Variants in COG5 observed in about 807,000 individuals in gnomAD.
The protein encoded by COG5 is conserved oligomeric Golgi complex subunit 5.
A neutral mutation model predicts 110.4 loss-of-function variants in COG5; 86 were observed. That is an observed-to-expected ratio of 0.78 (90% CI 0.65 to 0.93). COG5 has a LOEUF of 0.93. Among genes scored for constraint, COG5 ranks in the 40% least tolerant of loss-of-function variants. The pLI, the probability that COG5 is intolerant of heterozygous loss-of-function variation, is 0.00. For synonymous variants in COG5, 360 were observed against 334.6 expected, an observed-to-expected ratio of 1.08 and a Z score of -0.83; for missense variants, 1,077 against 987.0, an observed-to-expected ratio of 1.09 and a Z score of -1.22.
intron 16 of COG5, among the ~76,000 whole-genome samples, chr7:107,256,085 C>T (rs922519756): frequency 6.6e-6 from 1 of 152,128 alleles, no homozygotes; most frequent in African/African-American, 2.4e-5. Context: ...ATACTGTCAA[C>T]TACATATGGC....
chr7:107,467,681 T>A (rs1163784448), intron 6 of COG5, among the ~76,000 whole-genome samples: 1 of 152,186 alleles, frequency 6.6e-6, no homozygotes, highest in African/African-American at 2.4e-5. Flanking sequence ...GAAAATAATA[T>A]AATCTGATTC....
intron 11 of COG5, among the ~76,000 whole-genome samples, chr7:107,307,433 A>C (rs1221320310): frequency 1.3e-5 from 2 of 152,216 alleles, no homozygotes; most frequent in Non-Finnish European, 2.9e-5. Flanking sequence ...CATATAATGT[A>C]GAGAGAATAG....
intron 11 of COG5, among the ~76,000 whole-genome samples, chr7:107,299,000 C>T (rs571755722): frequency 5.9e-5 from 9 of 152,030 alleles, no homozygotes; most frequent in Admixed American, 2.0e-4. Flanking sequence ...AAAATTTTAA[C>T]GCAACATATC....
intron 12 of COG5, among the ~76,000 whole-genome samples, chr7:107,291,207 G>C (rs1203020266): frequency 6.6e-6 from 1 of 151,926 alleles, no homozygotes; most frequent in East Asian, 1.9e-4. Context: ...TATTCTTAAT[G>C]GTATCCCACA....
intron 6 of COG5, among the ~76,000 whole-genome samples, chr7:107,477,393 T>C (rs1279645078): frequency 6.6e-6 from 1 of 151,678 alleles, no homozygotes; most frequent in East Asian, 1.9e-4. Context: ...ACTCTTCAGG[T>C]TTATAACTAT....
In COG5 at chr7:107,434,573, A is replaced by C. The variant is rs368111958; in HGVS notation, c.539-21941T>G. ...TAAGCAAACATCACCTGCTCCCAAA[A>C]ACCTATTGAAATAAAAAATAAATTA... On this transcript the variant is annotated intron_variant, in intron 6 of 21. Coordinates refer to ENST00000297135, the MANE Select transcript of COG5 (RefSeq NM_006348.5). 5.9e-5 allele frequency among the ~76,000 whole-genome samples: 9 copies of C among 152,186 alleles called. No individual in the cohort carries two copies. The East Asian group carries it at 7.7e-4, about 13-fold the overall frequency.
intron 6 of COG5, among the ~76,000 whole-genome samples, chr7:107,460,470 T>G (rs1385686401): frequency 6.6e-6 from 1 of 151,878 alleles, no homozygotes; most frequent in Non-Finnish European, 1.5e-5. Flanking sequence ...TTAGAAAGCA[T>G]ACTGAACTAA....
At chr7:107,356,687 A>G (rs1207111300) in intron 10 of COG5, among the ~76,000 whole-genome samples, 1 of 152,178 alleles carries the variant, frequency 6.6e-6, no homozygotes, top group Non-Finnish European at 1.5e-5. Flanking sequence ...GCTAGTAATG[A>G]TTGCCCTAGG....
chr7:107,294,214 T>C (rs932200392), intron 12 of COG5, among the ~76,000 whole-genome samples: 1 of 152,228 alleles, frequency 6.6e-6, no homozygotes, highest in East Asian at 1.9e-4. Flanking sequence ...TTAAATACAA[T>C]GCTTTGAAAA....
intron 10 of COG5, among the ~76,000 whole-genome samples, chr7:107,328,280 G>T (rs1003041830): frequency 6.6e-6 from 1 of 152,156 alleles, no homozygotes; most frequent in African/African-American, 2.4e-5. Context: ...GTAGGTAATT[G>T]TAACACAATA....
intron 6 of COG5, among the ~76,000 whole-genome samples, chr7:107,493,559 T>C (rs1450718793): frequency 6.6e-6 from 1 of 152,188 alleles, no homozygotes; most frequent in Non-Finnish European, 1.5e-5. Flanking sequence ...TTTATAATTT[T>C]AGACTCCTCT....
At chr7:107,401,590 T>A (rs1199144375) in intron 7 of COG5, among the ~76,000 whole-genome samples, 3 of 152,174 alleles carry the variant, frequency 2.0e-5, no homozygotes, top group African/African-American at 7.2e-5. Context: ...CTTACTACAT[T>A]CATTCTTTCA....
intron 10 of COG5, among the ~76,000 whole-genome samples, chr7:107,349,525 A>C (rs1811940679): frequency 6.7e-6 from 1 of 148,482 alleles, no homozygotes; most frequent in Non-Finnish European, 1.5e-5. Context: ...CTCGGCCTCC[A>C]GAGTAGCTGG....
chr7:107,204,345 C>T lies in COG5; in HGVS notation c.2376-715G>A, dbSNP rs76596089. On this transcript the variant is annotated intron_variant, in intron 21 of 21. Transcript: ENST00000297135. ...CAGAGTTGAATAGTTGAGGCAGAGA[C>T]CATGTGGCCTGCAAAGTCTGAAATA... 9.7e-4 allele frequency among the ~76,000 whole-genome samples: 148 copies of T among 152,222 alleles called. 1 individual carries two copies. Among genetic ancestry groups the T allele is most frequent in the African/African-American group, 3.5e-3 (145 of 41,532 alleles).
At chr7:107,224,415 T>C (rs1392825395) in intron 19 of COG5, among the ~76,000 whole-genome samples, 1 of 152,214 alleles carries the variant, frequency 6.6e-6, no homozygotes, top group Non-Finnish European at 1.5e-5. Context: ...CTGCTCCTCA[T>C]GCTAAAAGAT....
chr7:107,312,273 T>C (rs1052754802), intron 11 of COG5, among the ~76,000 whole-genome samples: 1 of 152,224 alleles, frequency 6.6e-6, no homozygotes, highest in Non-Finnish European at 1.5e-5. Flanking sequence ...TTTAACACTT[T>C]AGGGATCCAT....
At chr7:107,412,703 A>G in intron 6 of COG5, 71 bp from the exon 7 acceptor site, 2 of 898,032 alleles carry the variant, frequency 2.2e-6, no homozygotes, top group Non-Finnish European at 3.3e-6. Flanking sequence ...CAAAATATGT[A>G]TAACTTCTCA....
chr7:107,211,069 A>G (rs1799125678), intron 20 of COG5, 30 bp downstream of exon 20: 11 of 1,613,034 alleles, frequency 6.8e-6, no homozygotes, highest in African/African-American at 2.7e-5. Flanking sequence ...AAGAGTCACA[A>G]AAGGGTTCTG....
At chr7:107,404,980 T>C (rs1459342743) in intron 7 of COG5, among the ~76,000 whole-genome samples, 1 of 151,492 alleles carries the variant, frequency 6.6e-6, no homozygotes, top group Non-Finnish European at 1.5e-5. Context: ...AATGGAGACT[T>C]CCTAAAAAAA....
Sources: gnomAD v4.1 joint callset for allele counts (sites outside exome capture counted in the v4.1 genomes callset) on GRCh38, gnomAD v4.1.1 for gene constraint, MANE v1.5 for transcripts, NCBI Gene and HGNC (gene_info 2026-07-23, HGNC 2026-07-21) for gene names.